Variants in RAB28 observed in about 807,000 individuals in gnomAD.
RAB28 encodes the protein RAB28, member RAS oncogene family.
A neutral mutation model predicts 31.7 loss-of-function variants in RAB28; 24 were observed. That is an observed-to-expected ratio of 0.76 (90% CI 0.55 to 1.06). The LOEUF (loss-of-function observed/expected upper bound fraction) is 1.06. Ranked by LOEUF, RAB28 falls within the 50% of genes least tolerant of loss-of-function variation. RAB28 has a pLI of 0.00. For synonymous variants in RAB28, 100 were observed against 90.4 expected, an observed-to-expected ratio of 1.11 and a Z score of -0.60; for missense variants, 254 against 258.5, an observed-to-expected ratio of 0.98 and a Z score of 0.12.
intron 4 of RAB28, among the ~76,000 whole-genome samples, chr4:13,417,715 G>A (rs560785145): frequency 9.2e-5 from 14 of 152,210 alleles, no homozygotes; most frequent in African/African-American, 3.1e-4. Context: ...TCAACAAAAA[G>A]GACATCCACA....
chr4:13,428,587 G>A (rs888048334), intron 4 of RAB28, among the ~76,000 whole-genome samples: 2 of 152,106 alleles, frequency 1.3e-5, no homozygotes, highest in African/African-American at 2.4e-5. Context: ...AATAATCAGA[G>A]GATTTGAAGA....
chr4:13,472,909 T>G (rs1482307938), intron 3 of RAB28, among the ~76,000 whole-genome samples: 2 of 151,962 alleles, frequency 1.3e-5, no homozygotes, highest in African/African-American at 4.8e-5. Flanking sequence ...TGAACATGCA[T>G]AAAATATCAA....
chr4:13,442,610 T>C (rs1327317542), intron 4 of RAB28, among the ~76,000 whole-genome samples: 1 of 151,966 alleles, frequency 6.6e-6, no homozygotes, highest in Non-Finnish European at 1.5e-5. Flanking sequence ...AAGTTTTTTA[T>C]TTTTAAATCT....
At chr4:13,391,061 T>C (rs908818451) in intron 4 of RAB28, among the ~76,000 whole-genome samples, 26 of 152,272 alleles carry the variant, frequency 1.7e-4, no homozygotes, top group African/African-American at 6.3e-4. Flanking sequence ...AAATGGGATC[T>C]AATTAAACTA....
intron 4 of RAB28, among the ~76,000 whole-genome samples, chr4:13,393,264 A>T (rs1366271592): frequency 6.6e-6 from 1 of 152,236 alleles, no homozygotes; most frequent in African/African-American, 2.4e-5. Context: ...AAGAGGAGAA[A>T]AAATCAGTCA....
chr4:13,398,963 G>T (rs933679716), intron 4 of RAB28, among the ~76,000 whole-genome samples: 1 of 152,008 alleles, frequency 6.6e-6, no homozygotes, highest in Non-Finnish European at 1.5e-5. Flanking sequence ...AATCACAACA[G>T]AATTCAGTGT....
Position 13,415,726 on chromosome 4 carries a change from C to T in RAB28, c.392-34132G>A, listed in dbSNP as rs117797344. On this transcript the variant is annotated intron_variant, in intron 4 of 6. Transcript: ENST00000330852. ...CCAACGAGCACCATCCCCTGCTCTA[C>T]GGCGCCCGGTCCCAATGACCACGCA... Among the ~76,000 whole-genome samples the T allele has an allele frequency of 7.9e-4, 120 of 152,280 alleles. No homozygotes were observed. In the East Asian group the frequency reaches 0.019, roughly 24 times the overall value.
At chr4:13,463,205 A>G (rs917247018) in intron 3 of RAB28, among the ~76,000 whole-genome samples, 7 of 152,178 alleles carry the variant, frequency 4.6e-5, no homozygotes, top group African/African-American at 1.7e-4. Flanking sequence ...TATGCCTCTT[A>G]AGACTTTTTG....
chr4:13,436,385 G>T (rs1422614818), intron 4 of RAB28, among the ~76,000 whole-genome samples: 1 of 152,018 alleles, frequency 6.6e-6, no homozygotes, highest in Non-Finnish European at 1.5e-5. Flanking sequence ...AAAATAAAGG[G>T]CATCCAAATC....
chr4:13,437,617 T>C (rs1714195368), intron 4 of RAB28, among the ~76,000 whole-genome samples: 1 of 152,092 alleles, frequency 6.6e-6, no homozygotes, highest in African/African-American at 2.4e-5. Flanking sequence ...ATATCACTAA[T>C]CTTCGGAGAA....
chr4:13,474,285 T>G (rs779941661), intron 3 of RAB28, 33 bp downstream of exon 3: 2 of 1,377,566 alleles, frequency 1.5e-6, no homozygotes, highest in Admixed American at 1.7e-5. Flanking sequence ...TGGTATACTT[T>G]CAATACTGGA....
Position 13,484,301 on chromosome 4 carries a change from A to G in RAB28, c.-151T>C. 8 of 638,112 alleles carry G rather than the reference A, an allele frequency of 1.3e-5. No individual in the cohort carries two copies. The highest frequency in any genetic ancestry group is 1.8e-5 in the African/African-American group (1 of 55,036). 39.5% of individuals were successfully genotyped at this position (638,112 alleles called of 1,614,324 possible). ...CGGCAGGAGGTATTCGAGGAGAATCACTCGGCAAGCGCCATCTTGCCCACC... is the reference window on the plus strand; with the variant it reads ...CGGCAGGAGGTATTCGAGGAGAATCGCTCGGCAAGCGCCATCTTGCCCACC... On this transcript the variant is annotated 5_prime_UTR_variant, in exon 1 of 7. It removes the in-frame stop codon of an upstream open reading frame in the 5' UTR. Transcript: ENST00000330852.
intron 4 of RAB28, among the ~76,000 whole-genome samples, chr4:13,392,772 G>T (rs990067371): frequency 1.3e-5 from 2 of 152,124 alleles, no homozygotes; most frequent in African/African-American, 4.8e-5. Context: ...AAAATGATAA[G>T]TATGTGAGGA....
chr4:13,369,742 T>G, intron 6 of RAB28: 1 of 898,046 alleles, frequency 1.1e-6, no homozygotes, highest in Non-Finnish European at 1.5e-6. Flanking sequence ...GACGTAGACG[T>G]GATATTAACT....
intron 4 of RAB28, among the ~76,000 whole-genome samples, chr4:13,452,079 T>G (rs917453878): frequency 6.6e-6 from 1 of 151,976 alleles, no homozygotes; most frequent in Non-Finnish European, 1.5e-5. Context: ...TGTGTATAGT[T>G]GTTCACTGGA....
chr4:13,436,394 T>G (rs1200815782), intron 4 of RAB28, among the ~76,000 whole-genome samples: 1 of 152,090 alleles, frequency 6.6e-6, no homozygotes, highest in African/African-American at 2.4e-5. Context: ...GGCATCCAAA[T>G]CAGTAAAGAG....
At chr4:13,393,218 T>C (rs1729723377) in intron 4 of RAB28, among the ~76,000 whole-genome samples, 1 of 152,162 alleles carries the variant, frequency 6.6e-6, no homozygotes, top group Admixed American at 6.5e-5. Context: ...ATAGAAGCCA[T>C]GTCACAGAGA....
intron 4 of RAB28, among the ~76,000 whole-genome samples, chr4:13,419,281 A>T (rs1338715152): frequency 2.0e-5 from 3 of 152,210 alleles, no homozygotes; most frequent in Non-Finnish European, 4.4e-5. Context: ...AGAGACTTAG[A>T]CTACCACACA....
intron 4 of RAB28, among the ~76,000 whole-genome samples, chr4:13,444,745 C>A (rs1018269215): frequency 3.9e-5 from 6 of 152,188 alleles, no homozygotes; most frequent in African/African-American, 7.2e-5. Context: ...ATGGGTGTAA[C>A]CCAAAGCTTA....
Sources: allele counts gnomAD v4.1 joint callset (sites outside exome capture counted in the v4.1 genomes callset), GRCh38; gene constraint gnomAD v4.1.1; transcripts MANE v1.5; gene names NCBI Gene and HGNC (gene_info 2026-07-23, HGNC 2026-07-21).